Variants in INPP4B observed in about 807,000 individuals in gnomAD.
The protein encoded by INPP4B is inositol polyphosphate-4-phosphatase type II B, also known as inositol polyphosphate 4-phosphatase type II.
In INPP4B, 55 loss-of-function variants were observed where a neutral mutation model predicts 122.5. That is an observed-to-expected ratio of 0.45 (90% CI 0.36 to 0.56). The LOEUF (loss-of-function observed/expected upper bound fraction) is 0.56, where lower values mean the gene tolerates loss of function less well. INPP4B is among the 20% of genes least tolerant of loss of function. The pLI, the probability that INPP4B is intolerant of heterozygous loss-of-function variation, is 0.00. For synonymous variants in INPP4B, 403 were observed against 388.7 expected (o/e 1.04, Z -0.43); for missense variants, 1,000 against 1,097.7 (o/e 0.91, Z 1.26).
rs183500094 is a variant in INPP4B at position 142,444,392 on chromosome 4, A to G, written c.-126-13007T>C. On this transcript the variant is annotated intron_variant, in intron 3 of 25. Transcript: ENST00000262992. ...TCAAAATAAGACATTTATGTGGCCA[A>G]CCAACATGAAAAAAACCTCATCTTT... Among the ~76,000 whole-genome samples the G allele has an allele frequency of 1.1e-4, 17 of 152,256 alleles. No individual in the cohort carries two copies. In the East Asian group the frequency reaches 3.1e-3, roughly 28 times the overall value.
chr4:142,291,533 T>C (rs1476985941), intron 9 of INPP4B, among the ~76,000 whole-genome samples: 2 of 152,206 alleles, frequency 1.3e-5, no homozygotes, highest in African/African-American at 2.4e-5. Context: ...AGGAAACTCT[T>C]TCCTAGAATG....
chr4:142,545,854 A>C (rs1829585127), intron 2 of INPP4B, among the ~76,000 whole-genome samples: 1 of 145,820 alleles, frequency 6.9e-6, no homozygotes, highest in South Asian at 2.1e-4. Context: ...TCTGTTGTTC[A>C]AATAATTGAG....
Position 142,248,318 on chromosome 4 carries a change from T to TTCTC in INPP4B, c.689-10311_689-10308dup, listed in dbSNP as rs773640823. On this transcript the variant is annotated intron_variant, in intron 11 of 25. Transcript: ENST00000262992. ...CCTTTCCCTCTCTCTGTCTCTGTGTTTCTCTCTCTCTCTCTCTCTTTTTTT... is the reference window on the plus strand; with the variant it reads ...CCTTTCCCTCTCTCTGTCTCTGTGTTTCTCTCTCTCTCTCTCTCTCTCTTTTTTT... 2.8e-4 allele frequency among the ~76,000 whole-genome samples: 40 copies of TTCTC among 145,156 alleles called. 1 individual carries two copies. The highest frequency in any genetic ancestry group is 3.5e-3 in the Middle Eastern group (1 of 284).
intron 2 of INPP4B, among the ~76,000 whole-genome samples, chr4:142,635,189 T>A (rs76013925): frequency 2.0e-5 from 3 of 151,866 alleles, no homozygotes; most frequent in African/African-American, 4.8e-5. Context: ...ATGGCTATTA[T>A]TAAAAAGTTA....
At chr4:142,222,199 A>G (rs556921012) in intron 12 of INPP4B, among the ~76,000 whole-genome samples, 3 of 152,298 alleles carry the variant, frequency 2.0e-5, no homozygotes, top group African/African-American at 7.2e-5. Context: ...GCCTCAGGTG[A>G]TTCACCTGCT....
intron 1 of INPP4B, among the ~76,000 whole-genome samples, chr4:142,745,405 A>G (rs540195062): frequency 3.3e-4 from 50 of 152,020 alleles, no homozygotes; most frequent in African/African-American, 1.2e-3. Context: ...GTCCTGCAGG[A>G]AAAATCTTGC....
At chr4:142,565,918 G>A (rs796068739) in intron 2 of INPP4B, 4 of 152,332 alleles carry the variant, frequency 2.6e-5, no homozygotes, top group African/African-American at 9.6e-5. Flanking sequence ...ATCAGAGGAA[G>A]TGCATTGACT....
At chr4:142,632,888 C>T (rs1360064611) in intron 2 of INPP4B, among the ~76,000 whole-genome samples, 1 of 148,384 alleles carries the variant, frequency 6.7e-6, no homozygotes, top group Non-Finnish European at 1.5e-5. Context: ...TAAGGAAAGA[C>T]AGAAGGATCA....
intron 2 of INPP4B, among the ~76,000 whole-genome samples, chr4:142,716,435 T>C (rs1365987525): frequency 6.6e-6 from 1 of 152,218 alleles, no homozygotes; most frequent in African/African-American, 2.4e-5. Flanking sequence ...GGCTCTTTCT[T>C]ATCTCTCAAT....
At chr4:142,500,106 A>G (rs544100924) in intron 2 of INPP4B, among the ~76,000 whole-genome samples, 2 of 152,344 alleles carry the variant, frequency 1.3e-5, no homozygotes, top group African/African-American at 4.8e-5. Flanking sequence ...ACTAATGGCT[A>G]GGACTATCAC....
chr4:142,320,676 A>G (rs1769661327), intron 7 of INPP4B, among the ~76,000 whole-genome samples: 1 of 151,966 alleles, frequency 6.6e-6, no homozygotes, highest in Admixed American at 6.6e-5. Context: ...AGTCCCCAAA[A>G]TCTACTTATC....
chr4:142,033,549 G>T (rs1366750440), intron 25 of INPP4B, among the ~76,000 whole-genome samples: 2 of 152,060 alleles, frequency 1.3e-5, no homozygotes, highest in Non-Finnish European at 2.9e-5. Context: ...GTCATTCTGT[G>T]CATTTCTCAA....
chr4:142,278,000 C>A lies in INPP4B; in HGVS notation c.504-7226G>T, dbSNP rs955437810. Among the ~76,000 whole-genome samples, 3 of 151,778 alleles carry A rather than the reference C, an allele frequency of 2.0e-5. No homozygotes were observed. The East Asian group carries it at 5.8e-4, about 29-fold the overall frequency. On this transcript the variant is annotated intron_variant, in intron 9 of 25. Transcript: ENST00000262992. ...GGGTGCACCAAAATCACAGAAATCACCACTAACAAACTTATTCATATAACC... is the reference window on the plus strand; with the variant it reads ...GGGTGCACCAAAATCACAGAAATCAACACTAACAAACTTATTCATATAACC...
chr4:142,294,829 C>CAAAAAAAAAAA lies in INPP4B; in HGVS notation c.503+10618_503+10628dup, dbSNP rs57430432. Among the ~76,000 whole-genome samples, 22 of 28,476 alleles carry CAAAAAAAAAAA rather than the reference C, an allele frequency of 7.7e-4. 4 individuals carry two copies. The East Asian group carries it at 0.011, about 14-fold the overall frequency. The allele number at this position is 28,476 out of a possible 152,430, so 18.7% of individuals were successfully genotyped here. A position where few individuals can be genotyped will look rare whatever the true frequency, so the allele number is the denominator to read the frequency against. ...CGGGCGACAGAGCGAGACTCCGTCT[C>CAAAAAAAAAAA]AAAAAAAAAAAAAAAAAAAAAAAAA... On this transcript the variant is annotated intron_variant, in intron 9 of 25. Transcript: ENST00000262992.
At chr4:142,528,112 A>G (rs1451485422) in intron 2 of INPP4B, among the ~76,000 whole-genome samples, 1 of 152,092 alleles carries the variant, frequency 6.6e-6, no homozygotes, top group Admixed American at 6.6e-5. Flanking sequence ...TTATATGACA[A>G]GAGTTGAAAG....
intron 1 of INPP4B, among the ~76,000 whole-genome samples, chr4:142,811,956 T>A (rs1238873948): frequency 6.6e-6 from 1 of 151,998 alleles, no homozygotes; most frequent in Non-Finnish European, 1.5e-5. Flanking sequence ...ATTCCCCAGG[T>A]CTCCCTAAAT....
chr4:142,440,027 A>G (rs1811348747), intron 3 of INPP4B, among the ~76,000 whole-genome samples: 3 of 152,186 alleles, frequency 2.0e-5, no homozygotes, highest in Admixed American at 1.3e-4. Context: ...CTGCTTTTTA[A>G]TAAAATAACT....
At position 142,160,673 on chromosome 4, in the gene INPP4B, A is replaced by T. The variant is rs1579120035; in HGVS notation, c.1360-112T>A. On this transcript the variant is annotated intron_variant, in intron 16 of 25. Transcript: ENST00000262992. Reference sequence around the variant, plus strand: ...ACTTAAGTGGTGTGTATGGTGGAAAAAGTACAGACGCCAAGGAGAGAAAAT... The same window carrying T: ...ACTTAAGTGGTGTGTATGGTGGAAATAGTACAGACGCCAAGGAGAGAAAAT... The T allele has an allele frequency of 4.5e-6, 3 of 667,736 alleles. No homozygotes were observed. In the East Asian group the frequency reaches 8.2e-5, roughly 18 times the overall value. 41.4% of individuals were successfully genotyped at this position (667,736 alleles called of 1,614,324 possible).
In INPP4B at chr4:142,151,841, A is replaced by G. The variant is rs375541881; in HGVS notation, c.1564-5845T>C. ...ACATGCTGTTGCATTAAATCAACAT[A>G]TATTTACTAGGCATCTGCTATATGC... is the stretch of plus-strand genomic sequence containing the variant. On this transcript the variant is annotated intron_variant, in intron 17 of 25. Coordinates refer to ENST00000262992, the MANE Select transcript of INPP4B (RefSeq NM_001101669.3). Among the ~76,000 whole-genome samples the G allele has an allele frequency of 8.5e-5, 13 of 152,254 alleles. No individual in the cohort carries two copies. The East Asian group carries it at 1.5e-3, about 18-fold the overall frequency.
Sources: allele counts gnomAD v4.1 joint callset (sites outside exome capture counted in the v4.1 genomes callset), GRCh38; gene constraint gnomAD v4.1.1; transcripts MANE v1.5; gene names NCBI Gene and HGNC (gene_info 2026-07-23, HGNC 2026-07-21).